The following PRSS3 variants were observed in gnomAD, a reference collection of about 807,000 sequenced individuals.
PRSS3 encodes the protein serine protease 3.
Under a neutral mutation model 20.8 loss-of-function variants are expected in PRSS3, and 14 were observed. The observed-to-expected ratio is 0.67, with a 90% CI of 0.44 to 1.05. The LOEUF (loss-of-function observed/expected upper bound fraction) is 1.05. Among genes scored for constraint, PRSS3 ranks in the 50% least tolerant of loss-of-function variants. The pLI is 0.00. For synonymous variants in PRSS3, 91 were observed against 117.6 expected (o/e 0.77, Z 1.46); for missense variants, 237 against 306.4 (o/e 0.77, Z 1.69).
intron 1 of PRSS3, among the ~76,000 whole-genome samples, chr9:33,772,738 G>T (rs1004509929): frequency 6.6e-6 from 1 of 152,016 alleles, no homozygotes; most frequent in Non-Finnish European, 1.5e-5. Flanking sequence ...CACGTGGTTG[G>T]AACTTGAGTA....
At chr9:33,770,427 A>ACAGTT in intron 1 of PRSS3, among the ~76,000 whole-genome samples, 2 of 152,186 alleles carry the variant, frequency 1.3e-5, no homozygotes, top group Non-Finnish European at 2.9e-5. Context: ...GTCTGGGTTA[A>ACAGTT]GACTTCTGGC....
chr9:33,773,391 A>C (rs1823787216), intron 1 of PRSS3, among the ~76,000 whole-genome samples: 1 of 152,132 alleles, frequency 6.6e-6, no homozygotes, highest in Non-Finnish European at 1.5e-5. Context: ...TAATAGGGAG[A>C]TTCTAGAAAT....
intron 1 of PRSS3, among the ~76,000 whole-genome samples, chr9:33,764,455 T>G (rs2380854): frequency 1.3e-5 from 2 of 152,080 alleles, no homozygotes; most frequent in Non-Finnish European, 2.9e-5. Context: ...ATCGCTTGAA[T>G]GTAGGAGGCG....
At chr9:33,798,779 T>G (rs553497889) in intron 4 of PRSS3, 157 bp downstream of exon 4, 28 of 1,243,530 alleles carry the variant, frequency 2.3e-5, no homozygotes, top group Admixed American at 4.3e-5. Context: ...GCTCCCTGCA[T>G]TGCCCCCATG....
chr9:33,750,722 G>T lies in PRSS3; in HGVS notation c.-58G>T, dbSNP rs910432282. 8 of 1,445,966 alleles carry T rather than the reference G, an allele frequency of 5.5e-6. No homozygotes were observed. In the African/African-American group the frequency reaches 1.2e-4, roughly 21 times the overall value. The allele number at this position is 1,445,966 out of a possible 1,614,324, so 89.6% of individuals were successfully genotyped here. A position where few individuals can be genotyped will look rare whatever the true frequency, so the allele number is the denominator to read the frequency against. ...GATGCAGACGGCTGCGAGGCGCTGG[G>T]CACAGGTCAGACGTCAGTACCCGCA... On this transcript the variant is annotated 5_prime_UTR_variant, in exon 1 of 6. Transcript: ENST00000342836. This position sits in a 1 kb window ranked among gnomAD's most constrained non-coding sequence, Gnocchi z 4.8.
At position 33,775,497 on chromosome 9, in the gene PRSS3, C is replaced by T. The variant is rs528365870; in HGVS notation, c.-52-19249C>T. On this transcript the variant is annotated intron_variant, in intron 1 of 5. Transcript: ENST00000342836. ...GCAGGCCAACCAGGAATTTAACAGG[C>T]GGATTCTGGAAATGAGAATCAGAGA... Among the ~76,000 whole-genome samples, 9 of 152,234 alleles carry T rather than the reference C, an allele frequency of 5.9e-5. No individual in the cohort carries two copies. The East Asian group carries it at 1.4e-3, about 23-fold the overall frequency.
chr9:33,765,637 G>T (rs1823381126), intron 1 of PRSS3, among the ~76,000 whole-genome samples: 1 of 152,234 alleles, frequency 6.6e-6, no homozygotes, highest in Non-Finnish European at 1.5e-5. Flanking sequence ...TTATGCTGGA[G>T]AAAGCGATGA....
chr9:33,786,284 T>C, intron 1 of PRSS3: 2 of 561,440 alleles, frequency 3.6e-6, no homozygotes, highest in Non-Finnish European at 6.4e-6. Flanking sequence ...GAGTCTGGGG[T>C]TAATGTTAAT....
At chr9:33,762,293 TAAC>T (rs1162096132) in intron 1 of PRSS3, 1 of 152,176 alleles carries the variant, frequency 6.6e-6, no homozygotes, top group Non-Finnish European at 1.5e-5. Context: ...ATACAGGAAA[TAAC>T]AATGATGGCA....
intron 1 of PRSS3, chr9:33,786,560 C>G (rs1824420370): frequency 2.6e-6 from 2 of 765,972 alleles, no homozygotes; most frequent in South Asian, 2.7e-5. Context: ...CTCTCAAAAG[C>G]CAAGCAGGGA....
In PRSS3 at chr9:33,795,680, C is replaced by T. The variant is rs906331222; in HGVS notation, c.40+67C>T. ...CCTGGCAGACACATGCCCTGCCATT[C>T]TTGCCACCTCTCCTCTTTTGACTGC... On this transcript the variant is annotated intron_variant, in intron 1 of 4. Coordinates refer to ENST00000379405, the MANE Select transcript of PRSS3 (RefSeq NM_002771.4). 1.9e-6 allele frequency: 3 copies of T among 1,551,416 alleles called. No individual in the cohort carries two copies. In the African/African-American group the frequency reaches 4.1e-5, roughly 21 times the overall value.
chr9:33,765,124 G>A (rs1208779056), intron 1 of PRSS3, among the ~76,000 whole-genome samples: 2 of 152,198 alleles, frequency 1.3e-5, no homozygotes, highest in African/African-American at 4.8e-5. Context: ...ATCTGACCAA[G>A]TATTCCACTC....
intron 1 of PRSS3, among the ~76,000 whole-genome samples, chr9:33,754,253 G>C (rs1181579271): frequency 2.0e-5 from 3 of 151,884 alleles, no homozygotes; most frequent in Admixed American, 2.0e-4. Flanking sequence ...TGTATTTTTA[G>C]TAGAGACGGG....
intron 1 of PRSS3, among the ~76,000 whole-genome samples, chr9:33,751,349 G>C (rs542220820): frequency 1.3e-5 from 2 of 152,332 alleles, no homozygotes; most frequent in East Asian, 3.9e-4. Flanking sequence ...CCAGTGCTTA[G>C]CTTCCGTTAA....
chr9:33,783,059 T>C (rs376654096), intron 1 of PRSS3, among the ~76,000 whole-genome samples: 6 of 152,222 alleles, frequency 3.9e-5, no homozygotes, highest in African/African-American at 1.2e-4. Context: ...GAAGTACTAA[T>C]ACACACAACT....
intron 1 of PRSS3, among the ~76,000 whole-genome samples, chr9:33,770,899 A>G (rs1465002553): frequency 6.6e-6 from 1 of 152,234 alleles, no homozygotes; most frequent in Non-Finnish European, 1.5e-5. Flanking sequence ...TGCTTACAAC[A>G]TGGAGAAACC....
At chr9:33,757,978 T>C (rs58834469) in intron 1 of PRSS3, among the ~76,000 whole-genome samples, 48,048 of 152,000 alleles carry the variant, frequency 0.32, 8,546 homozygotes, top group East Asian at 0.58. Context: ...ATCACCTTAC[T>C]AAATATCTAA....
rs745467797 is a variant in PRSS3 at position 33,799,203 on chromosome 9, T to C, written c.*23T>C. The C allele has an allele frequency of 6.2e-7, 1 of 1,613,272 alleles. No individual in the cohort carries two copies. Among genetic ancestry groups the C allele is most frequent in the Middle Eastern group, 1.7e-4 (1 of 6,060 alleles). Reference sequence around the variant, plus strand: ...TAAAGCCCCCGGTCCCTCTGCAGTCTCTATACCAATAAAGTGGCCCTGCTC... The same window carrying C: ...TAAAGCCCCCGGTCCCTCTGCAGTCCCTATACCAATAAAGTGGCCCTGCTC... On this transcript the variant is annotated 3_prime_UTR_variant, in exon 5 of 5. Transcript: ENST00000379405.
intron 1 of PRSS3, among the ~76,000 whole-genome samples, chr9:33,755,436 TTTC>T (rs1463790548): frequency 6.6e-6 from 1 of 152,096 alleles, no homozygotes; most frequent in Non-Finnish European, 1.5e-5. Context: ...ATACGGGCCA[TTTC>T]TTCTTCTCTT....
Sources: gnomAD v4.1 joint callset for allele counts (sites outside exome capture counted in the v4.1 genomes callset) on GRCh38, gnomAD v4.1.1 for gene constraint, Gnocchi (gnomAD v3.1) non-coding constraint, MANE v1.5 for transcripts, NCBI Gene and HGNC (gene_info 2026-07-23, HGNC 2026-07-21) for gene names.